The following GRM8 variants were observed in gnomAD, a reference collection of about 807,000 sequenced individuals.
GRM8 encodes glutamate metabotropic receptor 8, also known as metabotropic glutamate receptor 8.
In GRM8, 47 loss-of-function variants were observed where a neutral mutation model predicts 87.2. The observed-to-expected ratio is 0.54, with a 90% CI of 0.43 to 0.69. The LOEUF (loss-of-function observed/expected upper bound fraction) is 0.69, where lower values mean the gene tolerates loss of function less well. Ranked by LOEUF, GRM8 falls within the 30% of genes least tolerant of loss-of-function variation. The pLI, the probability that GRM8 is intolerant of heterozygous loss-of-function variation, is 0.00. For missense variants in GRM8, 1,019 were observed against 1,139.2 expected (o/e 0.89, Z 1.52); for synonymous variants, 396 against 404.5 (o/e 0.98, Z 0.25).
intron 6 of GRM8, among the ~76,000 whole-genome samples, chr7:126,826,369 T>A (rs911869218): frequency 2.0e-5 from 3 of 152,206 alleles, no homozygotes; most frequent in African/African-American, 7.2e-5. Flanking sequence ...CTCCACATCC[T>A]CTCCAGCACC....
At chr7:127,124,598 A>C (rs1489075073) in intron 2 of GRM8, among the ~76,000 whole-genome samples, 1 of 152,170 alleles carries the variant, frequency 6.6e-6, no homozygotes, top group Non-Finnish European at 1.5e-5. Flanking sequence ...CAGTATAACT[A>C]CAATGCCCAA....
intron 2 of GRM8, among the ~76,000 whole-genome samples, chr7:127,216,582 C>T (rs1796567590): frequency 6.7e-6 from 1 of 148,212 alleles, no homozygotes; most frequent in African/African-American, 2.5e-5. Flanking sequence ...ACTAGTGAGT[C>T]ATCTGTTAAA....
intron 9 of GRM8, among the ~76,000 whole-genome samples, chr7:126,501,628 T>C (rs1809654637): frequency 6.6e-6 from 1 of 152,002 alleles, no homozygotes; most frequent in Non-Finnish European, 1.5e-5. Context: ...TAAGAGCAAA[T>C]ACTTGTCATT....
intron 3 of GRM8, among the ~76,000 whole-genome samples, chr7:127,071,084 C>T (rs1422217507): frequency 4.6e-5 from 7 of 152,128 alleles, no homozygotes; most frequent in African/African-American, 1.7e-4. Context: ...GGTTCCAGAT[C>T]ATCCTTACTA....
chr7:126,646,441 A>G (rs1007562244), intron 7 of GRM8, among the ~76,000 whole-genome samples: 2 of 152,056 alleles, frequency 1.3e-5, no homozygotes, highest in African/African-American at 4.8e-5. Context: ...ATCTCCACTC[A>G]CTAACCCATC....
At chr7:127,139,973 C>A (rs1828169221) in intron 2 of GRM8, among the ~76,000 whole-genome samples, 2 of 152,178 alleles carry the variant, frequency 1.3e-5, no homozygotes, top group Non-Finnish European at 2.9e-5. Context: ...TCCAGGGCAG[C>A]CCCACTATGC....
intron 7 of GRM8, among the ~76,000 whole-genome samples, chr7:126,710,103 G>A (rs1184554819): frequency 6.6e-6 from 1 of 152,188 alleles, no homozygotes; most frequent in Non-Finnish European, 1.5e-5. Flanking sequence ...GCAGCATTAT[G>A]TCTAAGAAAG....
chr7:126,472,902 TG>T (rs1196567349), intron 9 of GRM8, among the ~76,000 whole-genome samples: 2 of 152,224 alleles, frequency 1.3e-5, no homozygotes, highest in African/African-American at 4.8e-5. Flanking sequence ...CCACAAGCTT[TG>T]GCAGTTTATA....
intron 6 of GRM8, among the ~76,000 whole-genome samples, chr7:126,817,092 T>G (rs964702167): frequency 6.6e-6 from 1 of 152,146 alleles, no homozygotes; most frequent in Non-Finnish European, 1.5e-5. Context: ...TCAACATTGA[T>G]TTATATACAC....
intron 2 of GRM8, among the ~76,000 whole-genome samples, chr7:127,152,517 T>A (rs1792455747): frequency 1.3e-5 from 2 of 152,136 alleles, no homozygotes; most frequent in African/African-American, 4.8e-5. Flanking sequence ...ATTAACAACT[T>A]CATTCTGCTT....
intron 9 of GRM8, among the ~76,000 whole-genome samples, chr7:126,492,676 C>A (rs997152053): frequency 1.3e-5 from 2 of 151,962 alleles, no homozygotes; most frequent in Non-Finnish European, 2.9e-5. Context: ...AAGATTCAAC[C>A]CATATTTTGA....
At chr7:127,086,954 G>A (rs1445413235) in intron 3 of GRM8, among the ~76,000 whole-genome samples, 3 of 152,212 alleles carry the variant, frequency 2.0e-5, no homozygotes. Flanking sequence ...TGGCCCACAG[G>A]GAGGGCTCGA....
Position 126,438,975 on chromosome 7 carries a change from G to T in GRM8, c.*144C>A, listed in dbSNP as rs1801144712. On this transcript the variant is annotated 3_prime_UTR_variant, in exon 11 of 11. Coordinates refer to ENST00000339582, the MANE Select transcript of GRM8 (RefSeq NM_000845.3). ...CCGTTTATTGATACTTTTGGCTCAT[G>T]GCTAATTTTTGTTCCTTACAAGACT... is the stretch of plus-strand genomic sequence containing the variant. The T allele has an allele frequency of 3.1e-6, 2 of 636,354 alleles. No individual in the cohort carries two copies. The highest frequency in any genetic ancestry group is 5.7e-6 in the Non-Finnish European group (2 of 351,420). 39.4% of individuals were successfully genotyped at this position (636,354 alleles called of 1,614,324 possible).
chr7:126,872,725 A>T (rs887455330), intron 6 of GRM8, among the ~76,000 whole-genome samples: 1 of 151,972 alleles, frequency 6.6e-6, no homozygotes, highest in Admixed American at 6.6e-5. Context: ...AAAACCAGAT[A>T]CTCTCAGCAG....
chr7:126,722,432 T>A (rs1293944731), intron 7 of GRM8, among the ~76,000 whole-genome samples: 2 of 152,210 alleles, frequency 1.3e-5, no homozygotes, highest in Non-Finnish European at 2.9e-5. Context: ...ATCCACTAGA[T>A]GAATGTCATA....
intron 3 of GRM8, among the ~76,000 whole-genome samples, chr7:126,996,773 T>C (rs1364435231): frequency 6.6e-6 from 1 of 151,882 alleles, no homozygotes; most frequent in Non-Finnish European, 1.5e-5. Context: ...ACCCAACACT[T>C]GAACACCCAG....
intron 7 of GRM8, among the ~76,000 whole-genome samples, chr7:126,740,812 T>C (rs1485364586): frequency 6.6e-6 from 1 of 152,150 alleles, no homozygotes; most frequent in East Asian, 1.9e-4. Flanking sequence ...CCTGCCATAA[T>C]AAGTAGTAAT....
At chr7:126,487,985 G>T (rs371464491) in intron 9 of GRM8, among the ~76,000 whole-genome samples, 1 of 151,760 alleles carries the variant, frequency 6.6e-6, no homozygotes, top group African/African-American at 2.4e-5. Context: ...ACTAAAAATG[G>T]CATTCCATGA....
chr7:126,923,717 A>G (rs955706932), intron 3 of GRM8, among the ~76,000 whole-genome samples: 1 of 152,136 alleles, frequency 6.6e-6, no homozygotes, highest in Non-Finnish European at 1.5e-5. Flanking sequence ...GAAGTATGCG[A>G]GTTTATAACT....
Sources: allele counts gnomAD v4.1 joint callset (sites outside exome capture counted in the v4.1 genomes callset), GRCh38; gene constraint gnomAD v4.1.1; transcripts MANE v1.5; gene names NCBI Gene and HGNC (gene_info 2026-07-23, HGNC 2026-07-21).